Variants in PCDH15 observed in about 807,000 individuals in gnomAD.
PCDH15 encodes the protein protocadherin related 15.
A neutral mutation model predicts 178.5 loss-of-function variants in PCDH15; 129 were observed. The observed-to-expected ratio is 0.72, with a 90% CI of 0.63 to 0.84. The LOEUF is 0.84. Ranked by LOEUF, PCDH15 falls within the 40% of genes least tolerant of loss-of-function variation. The probability of loss-of-function intolerance (pLI) is 0.00; values close to 1 mark genes in which losing one functional copy is unlikely to be tolerated. For missense variants in PCDH15, 2,230 were observed against 2,099.9 expected (o/e 1.06, Z -1.21); for synonymous variants, 800 against 732.0 (o/e 1.09, Z -1.50).
Position 53,977,887 on chromosome 10 carries a change from T to C in PCDH15, c.2869-15995A>G, listed in dbSNP as rs1356089509. On this transcript the variant is annotated intron_variant, in intron 21 of 37. Transcript: ENST00000644397. ...TAAAATCCAGGGGGGAAGTTAAATC[T>C]TAAAGCTCCCAAATGATCTTCTTTC... Among the ~76,000 whole-genome samples the C allele has an allele frequency of 1.1e-4, 17 of 152,292 alleles. No individual in the cohort carries two copies. In the South Asian group the frequency reaches 3.5e-3, roughly 32 times the overall value.
intron 32 of PCDH15, among the ~76,000 whole-genome samples, chr10:53,824,351 C>T (rs2076528822): frequency 6.6e-6 from 1 of 151,898 alleles, no homozygotes; most frequent in Non-Finnish European, 1.5e-5. Context: ...ACTCTCAAGC[C>T]AAAACAGAAT....
In PCDH15 at chr10:53,961,818, C is replaced by T. The variant is rs2088354992; in HGVS notation, c.2943G>A (p.Val981=). The change falls in exon 22 of 38, where the codon GTG becomes GTA. Residue 981 remains valine, a synonymous_variant. Transcript: ENST00000644397. ...QFPYPASIFE[V]EEDSGRVITR... is the part of the protein sequence containing the mutation. ...TTATTACTCTTCCAGAATCTTCTTCCACTTCAAAAATACTGGCAGGGTAAG... is the reference window on the plus strand; with the variant it reads ...TTATTACTCTTCCAGAATCTTCTTCTACTTCAAAAATACTGGCAGGGTAAG... 6 of 1,611,402 alleles carry T rather than the reference C, an allele frequency of 3.7e-6. 1 individual carries two copies. The South Asian group carries it at 5.5e-5, about 15-fold the overall frequency.
At chr10:54,130,976 GTTCT>G (rs759944129) in intron 15 of PCDH15, among the ~76,000 whole-genome samples, 13 of 152,172 alleles carry the variant, frequency 8.5e-5, no homozygotes, top group African/African-American at 1.2e-4. Flanking sequence ...TATTACCCTT[GTTCT>G]TTCTAATAGA....
chr10:55,159,397 A>G (rs1286357218), intron 2 of PCDH15, among the ~76,000 whole-genome samples: 55 of 147,058 alleles, frequency 3.7e-4, no homozygotes, highest in Non-Finnish European at 5.8e-4. Context: ...ATACACACAT[A>G]CACATTATAT....
At chr10:54,391,086 A>G (rs1589173630) in intron 3 of PCDH15, among the ~76,000 whole-genome samples, 1 of 152,124 alleles carries the variant, frequency 6.6e-6, no homozygotes, top group East Asian at 1.9e-4. Flanking sequence ...GTTAGTTTAC[A>G]TTTTCCCTAT....
At chr10:55,322,485 T>C (rs747301134), upstream of PCDH15, among the ~76,000 whole-genome samples, 7 of 152,026 alleles carry the variant, frequency 4.6e-5, no homozygotes, top group South Asian at 2.1e-4. Context: ...CAGAAGAAGA[T>C]AGAAAAATGT....
At chr10:55,539,340 C>T (rs937775366) in intron 2 of PCDH15, among the ~76,000 whole-genome samples, 10 of 151,928 alleles carry the variant, frequency 6.6e-5, no homozygotes, top group African/African-American at 2.4e-4. Context: ...ATTTTACTAT[C>T]ATTATCATCA....
At chr10:55,584,249 T>C (rs889171012) in intron 2 of PCDH15, among the ~76,000 whole-genome samples, 2 of 152,060 alleles carry the variant, frequency 1.3e-5, no homozygotes, top group Non-Finnish European at 2.9e-5. Context: ...ATCTGCTAGA[T>C]GTCTTGAAAG....
intron 8 of PCDH15, among the ~76,000 whole-genome samples, chr10:54,307,084 ATATATATATGTGTGTGTGTG>A (rs2060566381): frequency 1.2e-4 from 1 of 8,044 alleles, no homozygotes; most frequent in Non-Finnish European, 2.4e-4. Flanking sequence ...ATATATACAT[ATATATATATGTGTGTGTGTG>A]TATATATATA....
intron 2 of PCDH15, among the ~76,000 whole-genome samples, chr10:54,908,402 T>TGG (rs1321597162): frequency 3.9e-5 from 6 of 152,052 alleles, no homozygotes; most frequent in African/African-American, 1.4e-4. Flanking sequence ...GCCAGAAACT[T>TGG]GGAGACACCA....
chr10:54,043,244 C>G (rs1204173972), intron 18 of PCDH15, among the ~76,000 whole-genome samples: 1 of 152,056 alleles, frequency 6.6e-6, no homozygotes, highest in Non-Finnish European at 1.5e-5. Context: ...AAGCTCAGAA[C>G]CAGCAATATC....
intron 2 of PCDH15, among the ~76,000 whole-genome samples, chr10:55,118,105 T>A (rs16906981): frequency 0.018 from 2,688 of 152,220 alleles, 65 homozygotes; most frequent in African/African-American, 0.051. Flanking sequence ...AAAAGAAGGA[T>A]CTGACACCCC....
At chr10:54,109,050 G>A (rs538737127) in intron 15 of PCDH15, among the ~76,000 whole-genome samples, 3 of 152,290 alleles carry the variant, frequency 2.0e-5, no homozygotes, top group South Asian at 2.1e-4. Context: ...TATGAGACTT[G>A]CTGGCTTCAG....
At chr10:55,419,546 C>G (rs1164390290) in intron 2 of PCDH15, among the ~76,000 whole-genome samples, 1 of 151,822 alleles carries the variant, frequency 6.6e-6, no homozygotes, top group African/African-American at 2.4e-5. Flanking sequence ...CAGATAGTAG[C>G]AGTTATCCAT....
intron 3 of PCDH15, among the ~76,000 whole-genome samples, chr10:54,420,605 G>C (rs1955121249): frequency 6.6e-6 from 1 of 152,010 alleles, no homozygotes; most frequent in South Asian, 2.1e-4. Context: ...GACATGATTT[G>C]ACAAGTTCTT....
chr10:54,301,869 A>AT (rs1422518856), intron 8 of PCDH15, among the ~76,000 whole-genome samples: 4 of 152,062 alleles, frequency 2.6e-5, no homozygotes, highest in African/African-American at 4.8e-5. Flanking sequence ...GAGCTAATAT[A>AT]TTTTTTCTGG....
At chr10:55,002,824 G>T (rs1271444098) in intron 2 of PCDH15, among the ~76,000 whole-genome samples, 1 of 152,148 alleles carries the variant, frequency 6.6e-6, no homozygotes, top group Non-Finnish European at 1.5e-5. Context: ...AACATTAATA[G>T]CAAAAGTACA....
chr10:55,150,281 G>T (rs2799591), intron 2 of PCDH15, among the ~76,000 whole-genome samples: 137,247 of 152,120 alleles, frequency 0.9, 62,582 homozygotes, highest in Non-Finnish European at 0.97. Context: ...AGAAAACAAT[G>T]TCAGTTACTG....
At chr10:54,970,709 T>C (rs139788063) in intron 2 of PCDH15, among the ~76,000 whole-genome samples, 2,728 of 152,214 alleles carry the variant, frequency 0.018, 26 homozygotes, top group Non-Finnish European at 0.024. Context: ...CTACCCTGGA[T>C]GGAATCATCA....
Sources: allele counts gnomAD v4.1 joint callset (sites outside exome capture counted in the v4.1 genomes callset), GRCh38; gene constraint gnomAD v4.1.1; transcripts MANE v1.5; gene names NCBI Gene and HGNC (gene_info 2026-07-23, HGNC 2026-07-21).